KLHL17: variants seen among roughly 807,000 people sequenced by gnomAD.
The protein encoded by KLHL17 is kelch like family member 17, also known as kelch-like protein 17.
Under a neutral mutation model 64.6 loss-of-function variants are expected in KLHL17, and 71 were observed. That is an observed-to-expected ratio of 1.10 (90% CI 0.91 to 1.34). The LOEUF (loss-of-function observed/expected upper bound fraction) is 1.34. KLHL17 is among the 40% of genes most tolerant of loss of function. KLHL17 has a pLI of 0.00. For synonymous variants in KLHL17, 612 were observed against 405.4 expected (o/e 1.51, Z -6.12); for missense variants, 1,140 against 935.0 (o/e 1.22, Z -2.86).
rs1299594134 is a variant in KLHL17 at position 965,661 on chromosome 1, C to T, written c.*470C>T. On this transcript the variant is annotated 3_prime_UTR_variant, in exon 12 of 12. Transcript: ENST00000338591. ...CTTGTAGTGGGTGCACACGCGTGCA[C>T]TGGGACCCCACACAGCAATACGAGT... 1 of 167,404 alleles carries T rather than the reference C, an allele frequency of 6.0e-6. No individual in the cohort carries two copies. The highest frequency in any genetic ancestry group is 1.3e-5 in the Non-Finnish European group (1 of 77,964). The allele number at this position is 167,404 out of a possible 1,614,324, so 10.4% of individuals were successfully genotyped here. A position where few individuals can be genotyped will look rare whatever the true frequency, so the allele number is the denominator to read the frequency against.
chr1:961,087 C>T (rs1642619139), intron 1 of KLHL17, among the ~76,000 whole-genome samples: 1 of 151,080 alleles, frequency 6.6e-6, no homozygotes, highest in Non-Finnish European at 1.5e-5. Context: ...GCGGCTCTGA[C>T]TACGCCCCAG....
intron 8 of KLHL17, 179 bp downstream of exon 8, chr1:963,683 T>C: frequency 1.2e-6 from 1 of 863,504 alleles, no homozygotes; most frequent in Non-Finnish European, 1.7e-6. Flanking sequence ...CCAGTGCCCT[T>C]TCCTCTCTCG....
intron 4 of KLHL17, 52 bp downstream of exon 4, chr1:962,099 T>A: frequency 8.2e-7 from 1 of 1,216,594 alleles, no homozygotes; most frequent in Non-Finnish European, 1.1e-6. Flanking sequence ...CACCCCAGTC[T>A]TTGTCTTTGA....
At chr1:962,614 A>G in intron 5 of KLHL17, 90 bp from the exon 6 acceptor site, 23 of 1,521,656 alleles carry the variant, frequency 1.5e-5, no homozygotes, top group Non-Finnish European at 1.9e-5. Flanking sequence ...TCCATCACAC[A>G]GGTGGTACGG....
At chr1:962,272 ACCCT>A (rs750781299) in intron 4 of KLHL17, 79 bp from the exon 5 acceptor site, 1 of 1,603,386 alleles carries the variant, frequency 6.2e-7, no homozygotes, top group Non-Finnish European at 8.5e-7. Context: ...CCACCTGCTA[ACCCT>A]CCCTCCTAGG....
At chr1:962,153 C>G (rs1224417016) in intron 4 of KLHL17, 106 bp downstream of exon 4, 1 of 1,289,574 alleles carries the variant, frequency 7.8e-7, no homozygotes. Context: ...GCCCACAATC[C>G]TTAGTGCCTG....
chr1:963,872 C>T (rs754518593), intron 8 of KLHL17, 48 bp from the exon 9 acceptor site: 50 of 1,581,468 alleles, frequency 3.2e-5, no homozygotes, highest in Middle Eastern at 2.0e-4. Flanking sequence ...GGGGCCGGGA[C>T]GCCTTTCTGT....
Position 963,373 on chromosome 1 carries a change from C to T in KLHL17, c.1224C>T (p.Ser408=), listed in dbSNP as rs920776653. 1.9e-5 allele frequency: 31 copies of T among 1,612,356 alleles called. No individual in the cohort carries two copies. Among genetic ancestry groups the T allele is most frequent in the African/African-American group, 5.3e-5 (4 of 74,940 alleles). The change falls in exon 8 of 12, where the codon TCC becomes TCT. Residue 408 remains serine, a synonymous_variant. Transcript: ENST00000338591. ...DGTSDLATVE[S]YDPVTNTWQP... ...CCTCAGACCTGGCTACCGTGGAGTC[C>T]TACGACCCCGTGACTAACACGTGGC...
rs1642635848 is a variant in KLHL17, at chr1:961,366, A to T, written c.181A>T (p.Ser61Cys). Reference sequence around the variant, plus strand: ...CATGGAGGGAGCCGTGCAGCTGCTGAGCCGCGAGGGCCACAGCGTGGCCCA... The same window carrying T: ...CATGGAGGGAGCCGTGCAGCTGCTGTGCCGCGAGGGCCACAGCGTGGCCCA... ...APMEGAVQLL[S>C]REGHSVAHNS... The change falls in exon 2 of 12, where the codon AGC becomes TGC. Residue 61 changes from serine (S) to cysteine (C), a missense_variant. Physicochemically the swap from Ser to Cys is moderately radical, Grantham distance 112 (BLOSUM62 -1). Transcript: ENST00000338591. The T allele has an allele frequency of 1.0e-5, 16 of 1,593,906 alleles. No individual in the cohort carries two copies. Among genetic ancestry groups the T allele is most frequent in the African/African-American group, 1.3e-5 (1 of 74,494 alleles).
intron 7 of KLHL17, 21 bp from the exon 8 acceptor site, chr1:963,316 G>T: frequency 6.2e-7 from 1 of 1,602,720 alleles, no homozygotes; most frequent in Non-Finnish European, 8.5e-7. Flanking sequence ...GTCTTGACCT[G>T]CAGTGGCTTA....
rs1557628619 is a variant in KLHL17, at chr1:961,313, GGCCCCGGCAGGCTCGGCCCGCA to G, written c.134_155del (p.Arg45ProfsTer9). 1 of 1,523,382 alleles carries G rather than the reference GGCCCCGGCAGGCTCGGCCCGCA, an allele frequency of 6.6e-7. No homozygotes were observed. The highest frequency in any genetic ancestry group is 8.8e-7 in the Non-Finnish European group (1 of 1,142,276). The allele number at this position is 1,523,382 out of a possible 1,614,324, so 94.4% of individuals were successfully genotyped here. On this transcript the variant is annotated frameshift_variant, in exon 2 of 12. Coordinates refer to ENST00000338591, the MANE Select transcript of KLHL17 (RefSeq NM_198317.3). LOFTEE classifies it high-confidence loss of function. ...TGCAGCCCCGAGGCAGAGCGCACGC[GGCCCCGGCAGGCTCGGCCCGCA>G]GCCCCCATGGAGGGAGCCGTGCAGC...
At chr1:962,238 C>T (rs780889391) in intron 4 of KLHL17, 117 bp from the exon 5 acceptor site, 11 of 1,530,642 alleles carry the variant, frequency 7.2e-6, no homozygotes, top group East Asian at 2.4e-5. Flanking sequence ...CTGCTCGGCC[C>T]CTCCCAGTAT....
At position 960,631 on chromosome 1, in the gene KLHL17, G is replaced by T; in HGVS notation, c.-63G>T. Reference sequence around the variant, plus strand: ...GCCGCCACCGCCGAGCAGCCCTCCGGCAGTCTCCGCGTCCGTTAAGCCCGC... The same window carrying T: ...GCCGCCACCGCCGAGCAGCCCTCCGTCAGTCTCCGCGTCCGTTAAGCCCGC... On this transcript the variant is annotated 5_prime_UTR_variant, in exon 1 of 12. Transcript: ENST00000338591. 1 of 1,267,676 alleles carries T rather than the reference G, an allele frequency of 7.9e-7. No individual in the cohort carries two copies. The highest frequency in any genetic ancestry group is 4.2e-5 in the Admixed American group (1 of 23,650). 78.5% of individuals were successfully genotyped at this position (1,267,676 alleles called of 1,614,324 possible).
chr1:963,020 C>G (rs764653451), intron 6 of KLHL17, 89 bp from the exon 7 acceptor site: 6 of 1,549,278 alleles, frequency 3.9e-6, no homozygotes, highest in Non-Finnish European at 5.3e-6. Context: ...GCCCCTCCGC[C>G]CCTCCATTCA....
rs537000217 is a variant in KLHL17 at position 962,993 on chromosome 1, C to A, written c.1042+76C>A. On this transcript the variant is annotated intron_variant, in intron 6 of 11. Coordinates refer to ENST00000338591, the MANE Select transcript of KLHL17 (RefSeq NM_198317.3). Reference sequence around the variant, plus strand: ...CAGCACAAGCCCACCCCACCTGTGCCGGTCAGGTCCTGACCTGCCCCTCCG... The same window carrying A: ...CAGCACAAGCCCACCCCACCTGTGCAGGTCAGGTCCTGACCTGCCCCTCCG... 15 of 1,509,488 alleles carry A rather than the reference C, an allele frequency of 9.9e-6. No homozygotes were observed. In the East Asian group the frequency reaches 3.6e-4, roughly 36 times the overall value. The allele number at this position is 1,509,488 out of a possible 1,614,324, so 93.5% of individuals were successfully genotyped here. A position where few individuals can be genotyped will look rare whatever the true frequency, so the allele number is the denominator to read the frequency against.
chr1:961,541 C>T lies in KLHL17; in HGVS notation c.356C>T (p.Ala119Val). The T allele has an allele frequency of 1.2e-6, 2 of 1,612,660 alleles. No homozygotes were observed. Among genetic ancestry groups the T allele is most frequent in the South Asian group, 2.2e-5 (2 of 91,092 alleles). ...GCCTCCTGCAGCCCCTACTTCCACG[C>T]CATGTTCACAAGCAAGTACCCGCCT... ...VLASCSPYFH[A>V]MFTNEMSESR... The change falls in exon 2 of 12, where the codon GCC (alanine) becomes GTC (valine). Residue 119 changes from alanine to valine, a missense_variant. Physicochemically the swap from Ala to Val is moderately conservative, Grantham distance 64 (BLOSUM62 0). Transcript: ENST00000338591.
intron 1 of KLHL17, 199 bp downstream of exon 1, chr1:960,999 C>T (rs1642614621): frequency 3.7e-6 from 1 of 271,682 alleles, no homozygotes; most frequent in Non-Finnish European, 5.6e-6. Context: ...GCTGCGGTCC[C>T]GAGAGGGCGG....
At chr1:961,576 T>C in intron 2 of KLHL17, 24 bp downstream of exon 2, 1 of 1,612,670 alleles carries the variant, frequency 6.2e-7, no homozygotes. Flanking sequence ...TGGGCGGCGC[T>C]GGGGGCTCCG....
intron 3 of KLHL17, 34 bp from the exon 4 acceptor site, chr1:961,792 G>A (rs368211588): frequency 1.2e-6 from 2 of 1,611,214 alleles, no homozygotes; most frequent in Non-Finnish European, 1.7e-6. Context: ...CCCCGACCCT[G>A]TGCCTCCCTC....
Sources: allele counts gnomAD v4.1 joint callset (sites outside exome capture counted in the v4.1 genomes callset), GRCh38; gene constraint gnomAD v4.1.1; transcripts MANE v1.5; gene names NCBI Gene and HGNC (gene_info 2026-07-23, HGNC 2026-07-21).